Variants in NKAIN3 observed in about 807,000 individuals in gnomAD.
NKAIN3 encodes the protein sodium/potassium-transporting ATPase subunit beta-1-interacting protein 3.
A neutral mutation model predicts 30.2 loss-of-function variants in NKAIN3; 25 were observed. That is an observed-to-expected ratio of 0.83 (90% CI 0.60 to 1.16). NKAIN3 has a LOEUF of 1.16. Among genes scored for constraint, NKAIN3 ranks in the 50% most tolerant of loss-of-function variants. The probability of loss-of-function intolerance (pLI) is 0.00; values close to 1 mark genes in which losing one functional copy is unlikely to be tolerated. For missense variants in NKAIN3, 225 were observed against 254.1 expected (o/e 0.89, Z 0.78); for synonymous variants, 91 against 89.6 (o/e 1.02, Z -0.09).
At chr8:62,856,787 A>T (rs752244460) in intron 4 of NKAIN3, 1 of 640,032 alleles carries the variant, frequency 1.6e-6, no homozygotes, top group Non-Finnish European at 2.9e-6. Context: ...GTAAGATGTA[A>T]ATATTTCACT....
At chr8:62,689,523 A>C (rs1813896732) in intron 3 of NKAIN3, among the ~76,000 whole-genome samples, 1 of 152,188 alleles carries the variant, frequency 6.6e-6, no homozygotes, top group African/African-American at 2.4e-5. Flanking sequence ...TCTTTACCCC[A>C]TTAATATACA....
At chr8:62,830,240 C>T (rs1054678681) in intron 4 of NKAIN3, among the ~76,000 whole-genome samples, 1 of 152,130 alleles carries the variant, frequency 6.6e-6, no homozygotes, top group South Asian at 2.1e-4. Context: ...CCTGGCTCAA[C>T]ATTTTCTATA....
chr8:62,295,411 TC>T (rs762229253), intron 1 of NKAIN3, among the ~76,000 whole-genome samples: 1 of 152,192 alleles, frequency 6.6e-6, no homozygotes, highest in Non-Finnish European at 1.5e-5. Context: ...CAGCGTGATT[TC>T]ATGCAACAAC....
At chr8:62,964,652 G>A (rs1823655486) in intron 6 of NKAIN3, among the ~76,000 whole-genome samples, 1 of 151,610 alleles carries the variant, frequency 6.6e-6, no homozygotes, top group African/African-American at 2.4e-5. Context: ...CAAGTCCAAA[G>A]ACAGTCTGGA....
chr8:62,924,026 C>T (rs1822364349), intron 5 of NKAIN3, among the ~76,000 whole-genome samples: 1 of 152,186 alleles, frequency 6.6e-6, no homozygotes, highest in African/African-American at 2.4e-5. Flanking sequence ...TGAAGTAGAG[C>T]CTAAAAGATT....
At chr8:62,614,467 C>T (rs1811387914) in intron 3 of NKAIN3, among the ~76,000 whole-genome samples, 1 of 152,122 alleles carries the variant, frequency 6.6e-6, no homozygotes, top group Admixed American at 6.5e-5. Context: ...CAACACAGCA[C>T]TGGGTCTCAC....
At chr8:62,495,056 C>G (rs1029297298) in intron 1 of NKAIN3, among the ~76,000 whole-genome samples, 5 of 152,018 alleles carry the variant, frequency 3.3e-5, no homozygotes, top group African/African-American at 1.2e-4. Context: ...ATCACTCCCT[C>G]CATTATCAGA....
At chr8:62,667,232 G>A (rs1461625805) in intron 3 of NKAIN3, among the ~76,000 whole-genome samples, 1 of 149,766 alleles carries the variant, frequency 6.7e-6, no homozygotes, top group East Asian at 2.0e-4. Flanking sequence ...CACCAACATG[G>A]CACATGTATA....
In NKAIN3 at chr8:62,291,848, C is replaced by T. The variant is rs376352548; in HGVS notation, c.54+42721C>T. On this transcript the variant is annotated intron_variant, in intron 1 of 6. Transcript: ENST00000623646. ...GTTGACCGTGGGATGTGAAAGTCTC[C>T]CATTATTATTGTGTGGGAGTCTGTG... is the stretch of plus-strand genomic sequence containing the variant. Among the ~76,000 whole-genome samples the T allele has an allele frequency of 7.9e-5, 12 of 152,186 alleles. No individual in the cohort carries two copies. The East Asian group carries it at 9.7e-4, about 12-fold the overall frequency.
At chr8:62,889,774 G>A (rs1474981929) in intron 4 of NKAIN3, among the ~76,000 whole-genome samples, 1 of 152,202 alleles carries the variant, frequency 6.6e-6, no homozygotes, top group Non-Finnish European at 1.5e-5. Flanking sequence ...GATAGACCTT[G>A]AGCAACGGCC....
At chr8:62,505,734 C>A (rs1182145909) in intron 1 of NKAIN3, among the ~76,000 whole-genome samples, 1 of 152,040 alleles carries the variant, frequency 6.6e-6, no homozygotes, top group East Asian at 1.9e-4. Context: ...TATTTGGCAC[C>A]AAAGAATCTT....
At chr8:62,894,417 TG>T in intron 4 of NKAIN3, among the ~76,000 whole-genome samples, 1 of 152,322 alleles carries the variant, frequency 6.6e-6, no homozygotes, top group South Asian at 2.1e-4. Flanking sequence ...ACATTACTTT[TG>T]TTTTGGTTTC....
At chr8:62,452,921 G>T (rs1336520572) in intron 1 of NKAIN3, among the ~76,000 whole-genome samples, 2 of 152,112 alleles carry the variant, frequency 1.3e-5, no homozygotes, top group Non-Finnish European at 2.9e-5. Context: ...GGTGTCTTTT[G>T]TAAGTGTACA....
At chr8:62,936,739 C>A (rs1379684791) in intron 5 of NKAIN3, among the ~76,000 whole-genome samples, 1 of 152,056 alleles carries the variant, frequency 6.6e-6, no homozygotes, top group East Asian at 1.9e-4. Flanking sequence ...TTTCTACATT[C>A]CACTTCCCCC....
chr8:62,650,519 T>G (rs1486665839), intron 3 of NKAIN3, among the ~76,000 whole-genome samples: 1 of 152,220 alleles, frequency 6.6e-6, no homozygotes, highest in Non-Finnish European at 1.5e-5. Flanking sequence ...TTGTGTATGC[T>G]TCTGTGTTTT....
At chr8:62,761,335 G>C (rs1816655381) in intron 4 of NKAIN3, among the ~76,000 whole-genome samples, 1 of 152,060 alleles carries the variant, frequency 6.6e-6, no homozygotes, top group African/African-American at 2.4e-5. Context: ...CTTATCCTGG[G>C]GAGGTGGGGG....
chr8:62,760,708 A>G (rs559559343), intron 4 of NKAIN3, among the ~76,000 whole-genome samples: 374 of 152,230 alleles, frequency 2.5e-3, no homozygotes, highest in African/African-American at 7.9e-3. Flanking sequence ...GCACACCAAC[A>G]TGGCACATGT....
intron 3 of NKAIN3, among the ~76,000 whole-genome samples, chr8:62,691,691 C>T (rs917153036): frequency 6.6e-6 from 1 of 152,160 alleles, no homozygotes; most frequent in Non-Finnish European, 1.5e-5. Context: ...GGCCACTCAC[C>T]TGTACAAAAG....
intron 1 of NKAIN3, among the ~76,000 whole-genome samples, chr8:62,533,834 T>C (rs935604383): frequency 6.6e-6 from 1 of 152,146 alleles, no homozygotes; most frequent in Non-Finnish European, 1.5e-5. Flanking sequence ...TCATCTACCA[T>C]GAAATTATGG....
Sources: gnomAD v4.1 joint callset for allele counts (sites outside exome capture counted in the v4.1 genomes callset) on GRCh38, gnomAD v4.1.1 for gene constraint, MANE v1.5 for transcripts, NCBI Gene and HGNC (gene_info 2026-07-23, HGNC 2026-07-21) for gene names.